Variants in CLNK observed in about 807,000 individuals in gnomAD.
The protein encoded by CLNK is cytokine-dependent hematopoietic cell linker.
A neutral mutation model predicts 68.6 loss-of-function variants in CLNK; 74 were observed. The observed-to-expected ratio is 1.08, with a 90% CI of 0.89 to 1.31. The LOEUF (loss-of-function observed/expected upper bound fraction) is 1.31. Among genes scored for constraint, CLNK ranks in the 50% most tolerant of loss-of-function variants. The pLI is 0.00. For missense variants in CLNK, 553 were observed against 515.3 expected (o/e 1.07, Z -0.71); for synonymous variants, 198 against 172.2 (o/e 1.15, Z -1.17).
chr4:10,630,721 TC>T (rs2108868555), intron 2 of CLNK, among the ~76,000 whole-genome samples: 1 of 152,384 alleles, frequency 6.6e-6, no homozygotes, highest in Non-Finnish European at 1.5e-5. Flanking sequence ...TTTCATTTAT[TC>T]ATAAATTTGT....
intron 2 of CLNK, among the ~76,000 whole-genome samples, chr4:10,626,687 T>A (rs1378159439): frequency 6.6e-6 from 1 of 152,234 alleles, no homozygotes; most frequent in Non-Finnish European, 1.5e-5. Context: ...TTAGGATATA[T>A]GCACTATGAG....
At position 10,520,803 on chromosome 4, in the gene CLNK, C is replaced by A; in HGVS notation, c.760G>T (p.Val254Leu). The change falls in exon 15 of 19, where the codon GTG (valine) becomes TTG (leucine). Residue 254 changes from valine (V) to leucine (L), a missense_variant. Transcript: ENST00000226951. ...SSSFTTSNHS[V>L]QNRDHRGGMQ... ...AAAGTGCTCTTACCTCTGTTTTGCA[C>A]ACTGTGGTTGCTTGTCGTGAATGAA... 1 of 1,606,900 alleles carries A rather than the reference C, an allele frequency of 6.2e-7. No individual in the cohort carries two copies. Among genetic ancestry groups the A allele is most frequent in the African/African-American group, 1.3e-5 (1 of 74,918 alleles).
chr4:10,622,525 T>C (rs1189673647), intron 2 of CLNK, among the ~76,000 whole-genome samples: 4 of 152,108 alleles, frequency 2.6e-5, no homozygotes, highest in African/African-American at 4.8e-5. Context: ...CCAACCTTGG[T>C]TGAAACAGTA....
At chr4:10,719,463 TAGAG>T in the CLNK span, among the ~76,000 whole-genome samples, 59 of 151,928 alleles carry the variant, frequency 3.9e-4, no homozygotes, top group African/African-American at 1.3e-3. Flanking sequence ...TTACCAGAGA[TAGAG>T]AGGAACATAA....
At chr4:10,502,338 C>T (rs936448441) in intron 17 of CLNK, among the ~76,000 whole-genome samples, 3 of 152,062 alleles carry the variant, frequency 2.0e-5, no homozygotes, top group Non-Finnish European at 4.4e-5. Flanking sequence ...AGAGGAGCCC[C>T]TTATAAAACC....
At chr4:10,658,152 C>G (rs1724052435) in intron 2 of CLNK, among the ~76,000 whole-genome samples, 1 of 152,230 alleles carries the variant, frequency 6.6e-6, no homozygotes. Flanking sequence ...ACTCACTCCT[C>G]TGTGTCCTCT....
chr4:10,700,176 A>G, the CLNK span, among the ~76,000 whole-genome samples: 1 of 152,308 alleles, frequency 6.6e-6, no homozygotes, highest in South Asian at 2.1e-4. Flanking sequence ...GATGAAGAAG[A>G]TGCTGACTTT....
chr4:10,686,354 A>G (rs1725271693), upstream of CLNK, among the ~76,000 whole-genome samples: 1 of 152,020 alleles, frequency 6.6e-6, no homozygotes, highest in Non-Finnish European at 1.5e-5. Flanking sequence ...GACTTTAACA[A>G]ATGAATTTTA....
chr4:10,551,430 T>C (rs1719450400), intron 8 of CLNK, among the ~76,000 whole-genome samples: 1 of 121,942 alleles, frequency 8.2e-6, no homozygotes, highest in Admixed American at 8.0e-5. Context: ...TATATATATA[T>C]ATTTTTTTTT....
intron 1 of CLNK, among the ~76,000 whole-genome samples, chr4:10,674,713 C>A (rs993172583): frequency 1.3e-5 from 2 of 152,210 alleles, no homozygotes; most frequent in African/African-American, 4.8e-5. Flanking sequence ...TTGGACCAAA[C>A]AACCCCACAG....
chr4:10,636,523 C>A (rs939150702), intron 2 of CLNK, among the ~76,000 whole-genome samples: 2 of 152,082 alleles, frequency 1.3e-5, no homozygotes, highest in East Asian at 3.9e-4. Flanking sequence ...TGTAGGCCAC[C>A]CAGTTTGTGG....
At chr4:10,520,517 A>G (rs1016454992) in intron 15 of CLNK, among the ~76,000 whole-genome samples, 13 of 152,226 alleles carry the variant, frequency 8.5e-5, no homozygotes, top group Non-Finnish European at 1.5e-5. Context: ...CAGTCTTATG[A>G]AGGGAAATGA....
the CLNK span, among the ~76,000 whole-genome samples, chr4:10,714,575 T>G: frequency 6.6e-6 from 1 of 152,228 alleles, no homozygotes; most frequent in Admixed American, 6.5e-5. Flanking sequence ...GTTATTGTTT[T>G]GATTTAAACA....
intron 13 of CLNK, among the ~76,000 whole-genome samples, chr4:10,526,997 T>C (rs978646051): frequency 9.2e-5 from 14 of 152,180 alleles, no homozygotes; most frequent in Admixed American, 6.5e-5. Context: ...CTGCCCAAGG[T>C]TCATCACAAA....
At chr4:10,678,756 T>C (rs1446902115) in intron 1 of CLNK, among the ~76,000 whole-genome samples, 1 of 152,146 alleles carries the variant, frequency 6.6e-6, no homozygotes, top group Non-Finnish European at 1.5e-5. Flanking sequence ...AGCCAAATCA[T>C]GAGTGAACTC....
At chr4:10,714,820 T>C in the CLNK span, among the ~76,000 whole-genome samples, 5 of 152,264 alleles carry the variant, frequency 3.3e-5, 1 homozygote, top group East Asian at 9.6e-4. Flanking sequence ...CATTTGTTAG[T>C]CTTTTGTCAA....
chr4:10,496,711 A>C (rs552029926), intron 18 of CLNK, among the ~76,000 whole-genome samples: 56 of 152,332 alleles, frequency 3.7e-4, no homozygotes, highest in Non-Finnish European at 8.1e-4. Flanking sequence ...ACTTCCTAGA[A>C]CCAAATCAAA....
intron 2 of CLNK, among the ~76,000 whole-genome samples, chr4:10,665,858 C>T (rs2108891961): frequency 6.6e-6 from 1 of 152,256 alleles, no homozygotes; most frequent in Middle Eastern, 3.4e-3. Context: ...AACATATCCA[C>T]ATCCAAATCT....
the CLNK span, among the ~76,000 whole-genome samples, chr4:10,729,529 TAAAG>T: frequency 2.0e-4 from 31 of 152,140 alleles, no homozygotes; most frequent in Non-Finnish European, 4.0e-4. Context: ...AAGGGATAAA[TAAAG>T]AAAATGTTAC....
Sources: allele counts gnomAD v4.1 joint callset (sites outside exome capture counted in the v4.1 genomes callset), GRCh38; gene constraint gnomAD v4.1.1; transcripts MANE v1.5; gene names NCBI Gene and HGNC (gene_info 2026-07-23, HGNC 2026-07-21).